The following IL1RAPL1 variants were observed in gnomAD, a reference collection of about 807,000 sequenced individuals.
IL1RAPL1 encodes the protein interleukin-1 receptor accessory protein-like 1.
IL1RAPL1 carries 3 observed loss-of-function variants against 48.4 expected under a neutral mutation model. The ratio of observed to expected loss-of-function variants is 0.06; its 90% CI spans 0.03 to 0.16. The LOEUF (loss-of-function observed/expected upper bound fraction) is 0.16, where lower values mean the gene tolerates loss of function less well. IL1RAPL1 is among the 10% of genes least tolerant of loss of function. The pLI is 1.00. For missense variants in IL1RAPL1, 349 were observed against 530.6 expected (o/e 0.66, Z 3.36); for synonymous variants, 185 against 187.7 (o/e 0.99, Z 0.12).
intron 2 of IL1RAPL1, among the ~76,000 whole-genome samples, chrX:29,279,734 G>A (rs1028445031): frequency 9.0e-6 from 1 of 111,398 alleles, no homozygotes; most frequent in Non-Finnish European, 1.9e-5. Flanking sequence ...CTGATATTTA[G>A]GTATGGAATA....
intron 2 of IL1RAPL1, among the ~76,000 whole-genome samples, chrX:28,866,197 A>G (rs935664858): frequency 1.8e-5 from 2 of 112,569 alleles, no homozygotes; most frequent in African/African-American, 6.5e-5. Flanking sequence ...AAATTCTGCC[A>G]TAAAAAGGAA....
chrX:29,201,837 C>G (rs1356773640), intron 2 of IL1RAPL1, among the ~76,000 whole-genome samples: 1 of 111,147 alleles, frequency 9.0e-6, no homozygotes, highest in Non-Finnish European at 1.9e-5. Flanking sequence ...GATTAACAGG[C>G]ATGCGCCACC....
At chrX:29,118,034 G>A (rs1247333302) in intron 2 of IL1RAPL1, among the ~76,000 whole-genome samples, 1 of 111,921 alleles carries the variant, frequency 8.9e-6, no homozygotes. Context: ...ACAATGCAAG[G>A]TGGGCTCTTA....
chrX:28,958,327 C>G (rs966333159), intron 2 of IL1RAPL1, among the ~76,000 whole-genome samples: 3 of 111,735 alleles, frequency 2.7e-5, no homozygotes, highest in Non-Finnish European at 5.6e-5. Context: ...ATGAGTTCAA[C>G]TTTAGTAGAA....
At chrX:29,303,972 T>C (rs1191873833) in intron 3 of IL1RAPL1, among the ~76,000 whole-genome samples, 1 of 111,591 alleles carries the variant, frequency 9.0e-6, no homozygotes, top group Non-Finnish European at 1.9e-5. Context: ...GAATTAAATG[T>C]GTAATTTTAT....
chrX:29,569,188 T>C (rs1221011913), intron 5 of IL1RAPL1, among the ~76,000 whole-genome samples: 1 of 111,634 alleles, frequency 9.0e-6, no homozygotes, highest in Non-Finnish European at 1.9e-5. Flanking sequence ...ATTGAAGTGT[T>C]CTTCATTCCA....
chrX:29,786,258 A>G (rs1929495613), intron 6 of IL1RAPL1, among the ~76,000 whole-genome samples: 1 of 111,688 alleles, frequency 9.0e-6, no homozygotes, highest in South Asian at 3.8e-4. Flanking sequence ...ACAGTACACA[A>G]TGTCAAGTAA....
At chrX:28,727,746 G>A (rs1005706479) in intron 1 of IL1RAPL1, among the ~76,000 whole-genome samples, 1 of 110,251 alleles carries the variant, frequency 9.1e-6, no homozygotes, top group Non-Finnish European at 1.9e-5. Flanking sequence ...TAGCATGAAG[G>A]GCTGTTGAAT....
At chrX:29,565,282 T>C (rs778647665) in intron 5 of IL1RAPL1, among the ~76,000 whole-genome samples, 2 of 110,112 alleles carry the variant, frequency 1.8e-5, no homozygotes, top group South Asian at 7.6e-4. Flanking sequence ...AGAAAATAAT[T>C]ATATTCATGG....
chrX:29,312,621 TAA>T (rs1282872405), intron 3 of IL1RAPL1, among the ~76,000 whole-genome samples: 2 of 111,587 alleles, frequency 1.8e-5, no homozygotes, highest in Non-Finnish European at 3.8e-5. Flanking sequence ...TAGAGGCTGT[TAA>T]TACTATTTCC....
At chrX:29,033,742 A>G (rs1329814485) in intron 2 of IL1RAPL1, among the ~76,000 whole-genome samples, 1 of 111,189 alleles carries the variant, frequency 9.0e-6, no homozygotes, top group Non-Finnish European at 1.9e-5. Flanking sequence ...GGATTGTAAA[A>G]CAGAGGTTAG....
chrX:29,782,100 G>GTCTATCTATCTA (rs57978861), intron 6 of IL1RAPL1, among the ~76,000 whole-genome samples: 529 of 83,997 alleles, frequency 6.3e-3, no homozygotes, highest in East Asian at 0.024. Flanking sequence ...CTGTCTGTCT[G>GTCTATCTATCTA]TCTATCTATC....
intron 5 of IL1RAPL1, among the ~76,000 whole-genome samples, chrX:29,653,575 A>C (rs1374898179): frequency 9.0e-6 from 1 of 111,699 alleles, no homozygotes; most frequent in Non-Finnish European, 1.9e-5. Context: ...ATTATTGCTT[A>C]TAGGCATGTT....
chrX:29,913,732 A>G (rs927636362), intron 6 of IL1RAPL1, among the ~76,000 whole-genome samples: 7 of 110,986 alleles, frequency 6.3e-5, no homozygotes, highest in African/African-American at 2.0e-4. Context: ...TTCTCTTTAG[A>G]ATAGAGATGT....
intron 2 of IL1RAPL1, among the ~76,000 whole-genome samples, chrX:29,135,304 A>G (rs1366469561): frequency 1.8e-5 from 2 of 111,999 alleles, no homozygotes; most frequent in African/African-American, 3.2e-5. Context: ...GTAGTTTAAC[A>G]TAATCTCTGT....
chrX:29,435,090 C>T (rs764987235), intron 5 of IL1RAPL1, among the ~76,000 whole-genome samples: 2 of 111,025 alleles, frequency 1.8e-5, no homozygotes, highest in Non-Finnish European at 3.8e-5. Flanking sequence ...TATGCAATAG[C>T]GTATTTTTAA....
intron 1 of IL1RAPL1, among the ~76,000 whole-genome samples, chrX:28,706,230 A>G (rs190430367): frequency 8.9e-6 from 1 of 111,745 alleles, no homozygotes; most frequent in Admixed American, 9.5e-5. Context: ...GCAATTGCCT[A>G]CAGTATTCAG....
intron 2 of IL1RAPL1, among the ~76,000 whole-genome samples, chrX:29,178,163 C>T (rs1294459209): frequency 1.8e-5 from 2 of 111,499 alleles, no homozygotes; most frequent in Non-Finnish European, 3.8e-5. Flanking sequence ...CCTGAGGAAT[C>T]GCCACACTGT....
At chrX:29,784,109 C>T (rs1372522318) in intron 6 of IL1RAPL1, among the ~76,000 whole-genome samples, 1 of 112,159 alleles carries the variant, frequency 8.9e-6, no homozygotes, top group Non-Finnish European at 1.9e-5. Flanking sequence ...GCTGTATTTA[C>T]ATCAGACCAC....
Sources: allele counts gnomAD v4.1 joint callset (sites outside exome capture counted in the v4.1 genomes callset), GRCh38; gene constraint gnomAD v4.1.1; transcripts MANE v1.5; gene names NCBI Gene and HGNC (gene_info 2026-07-23, HGNC 2026-07-21).